The following BMPER variants were observed in gnomAD, a reference collection of about 807,000 sequenced individuals.
BMPER encodes BMP binding endothelial regulator.
A neutral mutation model predicts 87.3 loss-of-function variants in BMPER; 45 were observed. That is an observed-to-expected ratio of 0.52 (90% CI 0.41 to 0.66). The LOEUF (loss-of-function observed/expected upper bound fraction) is 0.66. Ranked by LOEUF, BMPER falls within the 30% of genes least tolerant of loss-of-function variation. BMPER has a pLI of 0.00. For synonymous variants in BMPER, 326 were observed against 316.2 expected (o/e 1.03, Z -0.33); for missense variants, 784 against 867.5 (o/e 0.90, Z 1.21).
At chr7:33,986,193 C>G (rs1786007741) in intron 6 of BMPER, among the ~76,000 whole-genome samples, 1 of 152,192 alleles carries the variant, frequency 6.6e-6, no homozygotes, top group Non-Finnish European at 1.5e-5. Flanking sequence ...GCCTCCTAAC[C>G]TCCCTAGTCT....
At chr7:34,116,064 T>G (rs529871082) in intron 13 of BMPER, among the ~76,000 whole-genome samples, 1 of 152,264 alleles carries the variant, frequency 6.6e-6, no homozygotes, top group East Asian at 1.9e-4. Flanking sequence ...TGACCAATGA[T>G]GTCCAGCATC....
chr7:34,074,408 C>T (rs374041610), intron 11 of BMPER, among the ~76,000 whole-genome samples: 9 of 152,230 alleles, frequency 5.9e-5, no homozygotes, highest in African/African-American at 1.4e-4. Flanking sequence ...AAGTTCGGGT[C>T]GTTCTGGGTT....
At chr7:34,085,361 C>CT (rs200635202) in intron 12 of BMPER, among the ~76,000 whole-genome samples, 41 of 151,576 alleles carry the variant, frequency 2.7e-4, no homozygotes, top group East Asian at 1.2e-3. Flanking sequence ...AAACAATCAT[C>CT]TTTTTTTTTC....
chr7:33,944,142 T>C (rs1375227962), intron 3 of BMPER, among the ~76,000 whole-genome samples: 2 of 151,992 alleles, frequency 1.3e-5, no homozygotes, highest in South Asian at 2.1e-4. Flanking sequence ...ATGATTTTTT[T>C]CTTCTATTTT....
intron 11 of BMPER, among the ~76,000 whole-genome samples, chr7:34,069,873 T>A (rs1447803583): frequency 1.3e-5 from 2 of 152,192 alleles, no homozygotes; most frequent in Non-Finnish European, 2.9e-5. Flanking sequence ...CATGGCCCTT[T>A]GATGTGAAAT....
intron 13 of BMPER, among the ~76,000 whole-genome samples, chr7:34,134,192 T>C (rs1045364006): frequency 6.6e-6 from 1 of 152,134 alleles, no homozygotes; most frequent in Non-Finnish European, 1.5e-5. Context: ...CTTACAATTG[T>C]TTTACAGTAA....
chr7:34,061,999 T>C lies in BMPER; in HGVS notation c.1033-3T>C. The stretch of plus-strand genomic sequence containing the variant: ...ACTTTGTATTTGTTTTTCTTCTGAT[T>C]AGGGCAAAATTCTCAACAGAAAAGG... On this transcript the variant is annotated splice_region_variant and splice_polypyrimidine_tract_variant and intron_variant, in intron 10 of 14. Transcript: ENST00000649409. The C allele has an allele frequency of 1.9e-6, 3 of 1,609,746 alleles. No homozygotes were observed. The highest frequency in any genetic ancestry group is 2.5e-6 in the Non-Finnish European group (3 of 1,178,040).
intron 6 of BMPER, among the ~76,000 whole-genome samples, chr7:33,992,936 A>T (rs1355044903): frequency 1.4e-5 from 2 of 144,432 alleles, no homozygotes; most frequent in South Asian, 2.4e-4. Context: ...AAGAATGTTG[A>T]ATATTGGCCC....
intron 13 of BMPER, among the ~76,000 whole-genome samples, chr7:34,099,938 G>C: frequency 6.6e-6 from 1 of 151,444 alleles, no homozygotes; most frequent in Non-Finnish European, 1.5e-5. Flanking sequence ...TGAGAGAGTT[G>C]AGTCTCCTTT....
At chr7:34,071,322 A>C (rs1245751110) in intron 11 of BMPER, among the ~76,000 whole-genome samples, 1 of 152,210 alleles carries the variant, frequency 6.6e-6, no homozygotes, top group Non-Finnish European at 1.5e-5. Flanking sequence ...GCAGCTTTGC[A>C]ATGCTATCTT....
At chr7:34,022,343 G>A (rs532208877) in intron 6 of BMPER, among the ~76,000 whole-genome samples, 25 of 151,960 alleles carry the variant, frequency 1.6e-4, no homozygotes, top group Admixed American at 3.3e-4. Context: ...GCCAGCTTTG[G>A]GGGAATTCCC....
intron 2 of BMPER, among the ~76,000 whole-genome samples, chr7:33,917,067 C>T (rs1014003276): frequency 1.3e-5 from 2 of 152,116 alleles, no homozygotes; most frequent in African/African-American, 4.8e-5. Flanking sequence ...AAGGAACATT[C>T]CCTTTTATAG....
At chr7:33,947,432 G>T (rs1239407935) in intron 3 of BMPER, among the ~76,000 whole-genome samples, 5 of 152,150 alleles carry the variant, frequency 3.3e-5, no homozygotes, top group Middle Eastern at 3.4e-3. Flanking sequence ...GTCAAGTGGG[G>T]TTTATTTTCC....
At chr7:34,036,501 C>T (rs1194587433) in intron 6 of BMPER, among the ~76,000 whole-genome samples, 1 of 152,138 alleles carries the variant, frequency 6.6e-6, no homozygotes, top group Non-Finnish European at 1.5e-5. Context: ...CGCCTCTCCT[C>T]CAGTTTCAGC....
chr7:33,929,691 C>A (rs546948690), intron 2 of BMPER, among the ~76,000 whole-genome samples: 11 of 152,228 alleles, frequency 7.2e-5, no homozygotes, highest in Middle Eastern at 6.8e-3. Flanking sequence ...GCTATGTAAA[C>A]CTGGGTGAGC....
At chr7:34,131,506 C>T (rs1442281622) in intron 13 of BMPER, among the ~76,000 whole-genome samples, 6 of 152,184 alleles carry the variant, frequency 3.9e-5, no homozygotes, top group Admixed American at 3.3e-4. Context: ...TGTGCCTTTG[C>T]CTGTTTGTGG....
chr7:34,107,178 G>A (rs1010639241), intron 13 of BMPER, among the ~76,000 whole-genome samples: 2 of 152,140 alleles, frequency 1.3e-5, no homozygotes, highest in African/African-American at 2.4e-5. Flanking sequence ...TGTATTTCAC[G>A]TCTCCTAGTG....
chr7:34,088,096 T>A (rs890524844), intron 13 of BMPER, among the ~76,000 whole-genome samples: 3 of 152,222 alleles, frequency 2.0e-5, no homozygotes, highest in Non-Finnish European at 2.9e-5. Flanking sequence ...TGTAAAGGGC[T>A]TGATGCCCTG....
chr7:34,154,003 T>C lies in BMPER; in HGVS notation c.*730T>C, dbSNP rs1192207866. On this transcript the variant is annotated 3_prime_UTR_variant, in exon 15 of 15. Coordinates refer to ENST00000649409, the MANE Select transcript of BMPER (RefSeq NM_001365308.1). The stretch of plus-strand genomic sequence containing the variant: ...TGTGTGTATGATGGATGTGACCATT[T>C]ATATGTCATGTGTTGAAATTAAAGG... 1 of 152,706 alleles carries C rather than the reference T, an allele frequency of 6.5e-6. No homozygotes were observed. The allele number at this position is 152,706 out of a possible 1,614,324, so 9.5% of individuals were successfully genotyped here.
Sources: gnomAD v4.1 joint callset for allele counts (sites outside exome capture counted in the v4.1 genomes callset) on GRCh38, gnomAD v4.1.1 for gene constraint, MANE v1.5 for transcripts, NCBI Gene and HGNC (gene_info 2026-07-23, HGNC 2026-07-21) for gene names.